Variants in SPOCK3 observed in about 807,000 individuals in gnomAD.
SPOCK3 encodes the protein SPARC (osteonectin), cwcv and kazal like domains proteoglycan 3.
SPOCK3 carries 30 observed loss-of-function variants against 56.6 expected under a neutral mutation model. The ratio of observed to expected loss-of-function variants is 0.53; its 90% CI spans 0.40 to 0.72. SPOCK3 has a LOEUF of 0.72. Among genes scored for constraint, SPOCK3 ranks in the 30% least tolerant of loss-of-function variants. The pLI is 0.00. For missense variants in SPOCK3, 527 were observed against 530.0 expected (o/e 0.99, Z 0.06); for synonymous variants, 196 against 183.3 (o/e 1.07, Z -0.56).
chr4:166,789,274 A>G (rs1439873436), intron 7 of SPOCK3, among the ~76,000 whole-genome samples: 3 of 152,034 alleles, frequency 2.0e-5, no homozygotes, highest in African/African-American at 7.2e-5. Flanking sequence ...TACTAAAAAT[A>G]CAAAATAACC....
chr4:166,973,902 C>G (rs1039293015), intron 4 of SPOCK3, among the ~76,000 whole-genome samples: 2 of 152,080 alleles, frequency 1.3e-5, no homozygotes, highest in African/African-American at 4.8e-5. Flanking sequence ...TATATATACA[C>G]ATTTTTAAAA....
At chr4:166,882,198 T>C (rs1027388239) in intron 6 of SPOCK3, among the ~76,000 whole-genome samples, 3 of 152,206 alleles carry the variant, frequency 2.0e-5, no homozygotes, top group African/African-American at 4.8e-5. Context: ...AGTTAAAGTG[T>C]AGAGATAGTC....
At chr4:167,163,641 T>C (rs1765513835) in intron 2 of SPOCK3, among the ~76,000 whole-genome samples, 1 of 151,718 alleles carries the variant, frequency 6.6e-6, no homozygotes, top group Non-Finnish European at 1.5e-5. Flanking sequence ...ATGAGTTCAA[T>C]TGTTTTAATT....
chr4:167,109,430 T>C (rs1199231962), intron 2 of SPOCK3, among the ~76,000 whole-genome samples: 1 of 100,532 alleles, frequency 9.9e-6, no homozygotes, highest in Non-Finnish European at 1.8e-5. Flanking sequence ...AATATATATA[T>C]GATAAATATA....
chr4:167,180,890 C>G (rs951601522), intron 2 of SPOCK3, among the ~76,000 whole-genome samples: 4 of 151,966 alleles, frequency 2.6e-5, no homozygotes, highest in Admixed American at 2.0e-4. Flanking sequence ...GATATGGAAC[C>G]ATTACATAAA....
Position 167,191,974 on chromosome 4 carries a change from G to A in SPOCK3, c.189+42011C>T, listed in dbSNP as rs555652615. Among the ~76,000 whole-genome samples the A allele has an allele frequency of 2.1e-5, 3 of 144,584 alleles. 1 individual carries two copies. Among genetic ancestry groups the A allele is most frequent in the African/African-American group, 7.9e-5 (3 of 37,890 alleles). The allele number at this position is 144,584 out of a possible 152,430, so 94.9% of individuals were successfully genotyped here. ...TTCCTTCTTTACCTAATTTTTTTGC[G>A]AGTTTTTATCATAAAAGTATATTGA... On this transcript the variant is annotated intron_variant, in intron 2 of 10. Transcript: ENST00000357545.
chr4:166,751,583 G>C (rs1457203038), intron 8 of SPOCK3, among the ~76,000 whole-genome samples: 1 of 152,038 alleles, frequency 6.6e-6, no homozygotes, highest in Admixed American at 6.6e-5. Context: ...ATAAACTTCA[G>C]TCCTTAGCCA....
rs547313509 is a variant in SPOCK3 at position 166,846,277 on chromosome 4, C to G, written c.589+42853G>C. 2.6e-5 allele frequency among the ~76,000 whole-genome samples: 4 copies of G among 151,734 alleles called. No homozygotes were observed. The South Asian group carries it at 8.3e-4, about 32-fold the overall frequency. On this transcript the variant is annotated intron_variant, in intron 6 of 10. Coordinates refer to ENST00000357545, the MANE Select transcript of SPOCK3 (RefSeq NM_001040159.2). ...ATATACTAAAGGTGTAAGAATATAG[C>G]AAAAAAATGTTTAGTATGTTTCTAT...
chr4:166,834,969 G>A (rs1036736095), intron 6 of SPOCK3, among the ~76,000 whole-genome samples: 6 of 151,694 alleles, frequency 4.0e-5, no homozygotes, highest in Admixed American at 1.3e-4. Flanking sequence ...AAATTTGGAT[G>A]GTTTTTACTC....
rs9996875 is a variant in SPOCK3 at position 166,740,711 on chromosome 4, A to C, written c.994+1286T>G. ...AGGCTAATTTTTGTATTTTCAGTAGAGGTGGGGTTTTGCCATATTGGCCAG... is the reference window on the plus strand; with the variant it reads ...AGGCTAATTTTTGTATTTTCAGTAGCGGTGGGGTTTTGCCATATTGGCCAG... On this transcript the variant is annotated intron_variant, in intron 9 of 10. Transcript: ENST00000357545. Among the ~76,000 whole-genome samples the C allele has an allele frequency of 9.2e-5, 14 of 151,954 alleles. No individual in the cohort carries two copies. In the South Asian group the frequency reaches 2.9e-3, roughly 32 times the overall value.
At chr4:167,207,909 T>C (rs908357090) in intron 2 of SPOCK3, among the ~76,000 whole-genome samples, 2 of 152,158 alleles carry the variant, frequency 1.3e-5, no homozygotes, top group Non-Finnish European at 2.9e-5. Context: ...TTGTCTCTGC[T>C]AACCAAGAAT....
intron 2 of SPOCK3, among the ~76,000 whole-genome samples, chr4:167,070,296 G>A (rs1243063781): frequency 1.3e-5 from 2 of 151,744 alleles, no homozygotes; most frequent in African/African-American, 4.8e-5. Flanking sequence ...TAAATGGCAG[G>A]GAGACCCCTG....
intron 7 of SPOCK3, among the ~76,000 whole-genome samples, chr4:166,790,976 A>G (rs528484068): frequency 6.6e-6 from 1 of 152,324 alleles, no homozygotes; most frequent in Admixed American, 6.5e-5. Context: ...CTATTAGGCA[A>G]GTTAAAGCTC....
intron 2 of SPOCK3, among the ~76,000 whole-genome samples, chr4:167,138,955 C>T (rs1230707936): frequency 6.6e-6 from 1 of 151,876 alleles, no homozygotes; most frequent in African/African-American, 2.4e-5. Flanking sequence ...TAAAGTAATT[C>T]ATTAAAATTT....
intron 5 of SPOCK3, among the ~76,000 whole-genome samples, chr4:166,896,589 C>A (rs1735408946): frequency 6.6e-6 from 1 of 152,152 alleles, no homozygotes; most frequent in African/African-American, 2.4e-5. Flanking sequence ...AGGATGTGTT[C>A]CAGGCTCATG....
intron 10 of SPOCK3, among the ~76,000 whole-genome samples, chr4:166,736,762 G>C (rs1197710840): frequency 1.3e-5 from 2 of 151,722 alleles, no homozygotes; most frequent in Non-Finnish European, 2.9e-5. Flanking sequence ...CATGAAAACT[G>C]TCTATAATAC....
intron 2 of SPOCK3, among the ~76,000 whole-genome samples, chr4:167,172,155 T>TCTTG (rs1561289760): frequency 6.6e-6 from 1 of 152,148 alleles, no homozygotes; most frequent in Non-Finnish European, 1.5e-5. Context: ...ACCAAGAGAC[T>TCTTG]GACAGAGACA....
chr4:167,113,499 C>T (rs533126535), intron 2 of SPOCK3, among the ~76,000 whole-genome samples: 2 of 151,954 alleles, frequency 1.3e-5, no homozygotes, highest in Non-Finnish European at 2.9e-5. Flanking sequence ...AAAACACCAT[C>T]TAATTATCAG....
At chr4:166,826,287 T>G (rs1406686462) in intron 6 of SPOCK3, among the ~76,000 whole-genome samples, 1 of 152,160 alleles carries the variant, frequency 6.6e-6, no homozygotes, top group Non-Finnish European at 1.5e-5. Flanking sequence ...AGATGCACTT[T>G]GTTTTTCTCA....
Sources: gnomAD v4.1 joint callset for allele counts (sites outside exome capture counted in the v4.1 genomes callset) on GRCh38, gnomAD v4.1.1 for gene constraint, MANE v1.5 for transcripts, NCBI Gene and HGNC (gene_info 2026-07-23, HGNC 2026-07-21) for gene names.